Variants in FAM149A observed in about 807,000 individuals in gnomAD.
The protein encoded by FAM149A is protein FAM149A.
In FAM149A, 71 loss-of-function variants were observed where a neutral mutation model predicts 78.2. The ratio of observed to expected loss-of-function variants is 0.91; its 90% CI spans 0.75 to 1.11. The LOEUF (loss-of-function observed/expected upper bound fraction) is 1.11. Among genes scored for constraint, FAM149A ranks in the 50% least tolerant of loss-of-function variants. FAM149A has a pLI of 0.00. For missense variants in FAM149A, 1,036 were observed against 971.0 expected (o/e 1.07, Z -0.89); for synonymous variants, 446 against 410.5 (o/e 1.09, Z -1.04).
chr4:186,161,502 C>G (rs1323743736), intron 8 of FAM149A, among the ~76,000 whole-genome samples: 1 of 152,020 alleles, frequency 6.6e-6, no homozygotes, highest in African/African-American at 2.4e-5. Context: ...TTTTTGGTCT[C>G]TTTAAACTGC....
chr4:186,154,669 A>G (rs765078031), intron 6 of FAM149A, 31 bp downstream of exon 6: 1 of 1,576,080 alleles, frequency 6.3e-7, no homozygotes, highest in Admixed American at 1.8e-5. Context: ...CATTGACCTC[A>G]TAAAATAATA....
chr4:186,112,171 G>A (rs2099311570), intron 1 of FAM149A, among the ~76,000 whole-genome samples: 1 of 147,466 alleles, frequency 6.8e-6, no homozygotes, highest in Non-Finnish European at 1.5e-5. Context: ...GTGAATGGGA[G>A]TTCACTCATG....
chr4:186,156,599 A>C (rs985460919), intron 7 of FAM149A, among the ~76,000 whole-genome samples: 3 of 152,008 alleles, frequency 2.0e-5, no homozygotes, highest in Non-Finnish European at 4.4e-5. Flanking sequence ...GCTTGAACCC[A>C]GGAGGTGGAG....
intron 1 of FAM149A, chr4:186,116,435 C>T (rs2099313748): frequency 2.0e-6 from 2 of 982,790 alleles, no homozygotes; most frequent in Non-Finnish European, 1.2e-6. Context: ...CCGTTACTTT[C>T]TATTACAGTC....
rs1254589929 is a variant in FAM149A at position 186,164,166 on chromosome 4, C to G, written c.1889+533C>G. On this transcript the variant is annotated intron_variant, in intron 10 of 13. Coordinates refer to ENST00000389354, the MANE Select transcript of FAM149A (RefSeq NM_001367768.3). The surrounding 1 kb of genome is among the most constrained non-coding windows in gnomAD (Gnocchi z 4.0). ...ACTTACCAGTATCGGCCAATACTTA[C>G]ATTGATAATAATAGCTAATGTTTAT... is the stretch of plus-strand genomic sequence containing the variant. Among the ~76,000 whole-genome samples the G allele has an allele frequency of 6.6e-6, 1 of 152,222 alleles. No homozygotes were observed.
chr4:186,156,329 G>A (rs1038413407), intron 7 of FAM149A, 139 bp downstream of exon 7: 2 of 641,268 alleles, frequency 3.1e-6, no homozygotes, highest in South Asian at 2.0e-5. Flanking sequence ...ACTCATGAGT[G>A]CTCTTTAGTC....
intron 1 of FAM149A, among the ~76,000 whole-genome samples, chr4:186,128,527 C>T (rs180929158): frequency 1.4e-3 from 208 of 151,610 alleles, no homozygotes; most frequent in African/African-American, 4.2e-3. Flanking sequence ...CCTTAGCTCA[C>T]GATGCTTTCT....
intron 8 of FAM149A, chr4:186,160,772 A>T: frequency 1.1e-6 from 1 of 924,670 alleles, no homozygotes; most frequent in South Asian, 5.1e-5. Flanking sequence ...ACACCACATC[A>T]CACCACACCA....
At chr4:186,150,569 A>T (rs13127413) in intron 3 of FAM149A, among the ~76,000 whole-genome samples, 2 of 102,070 alleles carry the variant, frequency 2.0e-5, no homozygotes, top group Non-Finnish European at 3.9e-5. Flanking sequence ...ACAGGCGCCC[A>T]CCACCACGCC....
intron 1 of FAM149A, among the ~76,000 whole-genome samples, chr4:186,117,099 G>T (rs897401535): frequency 1.9e-3 from 23 of 12,366 alleles, no homozygotes; most frequent in Non-Finnish European, 3.7e-3. Context: ...AAGAGACATT[G>T]TAAGGATTAA....
rs1732895012 is a variant in FAM149A, at chr4:186,144,943, G to A, written c.567-4230G>A. On this transcript the variant is annotated intron_variant, in intron 1 of 13. Transcript: ENST00000389354. This position sits in a 1 kb window ranked among gnomAD's most constrained non-coding sequence, Gnocchi z 4.2. ...CCGCGCGGCGGGCGCGGGCGCGGGC[G>A]CGGGCGCGGGCGCGGGCGGGTGGGG... 3.8e-5 allele frequency: 32 copies of A among 846,388 alleles called. No homozygotes were observed. The highest frequency in any genetic ancestry group is 5.9e-5 in the South Asian group (1 of 17,042). 52.4% of individuals were successfully genotyped at this position (846,388 alleles called of 1,614,324 possible).
intron 4 of FAM149A, 89 bp downstream of exon 4, chr4:186,152,134 G>A: frequency 1.6e-6 from 2 of 1,285,116 alleles, no homozygotes; most frequent in Non-Finnish European, 2.2e-6. Flanking sequence ...CATTTGGTGT[G>A]AAAGTGCCTG....
chr4:186,108,515 G>C (rs1000675579), intron 1 of FAM149A, among the ~76,000 whole-genome samples: 1 of 152,006 alleles, frequency 6.6e-6, no homozygotes, highest in Non-Finnish European at 1.5e-5. Context: ...CAAAGATGCT[G>C]AATAGCAGCA....
rs1561422732 is a variant in FAM149A at position 186,172,163 on chromosome 4, G to A, written c.*176G>A. On this transcript the variant is annotated 3_prime_UTR_variant, in exon 14 of 14. Transcript: ENST00000389354. ...TTGAACACTTTGCACTGTAAAGAGA[G>A]TGAAAGTCAAACCCACCAAGCTGCC... 2 of 1,024,938 alleles carry A rather than the reference G, an allele frequency of 2.0e-6. No individual in the cohort carries two copies. Among genetic ancestry groups the A allele is most frequent in the East Asian group, 3.1e-5 (1 of 32,088 alleles). The allele number at this position is 1,024,938 out of a possible 1,614,324, so 63.5% of individuals were successfully genotyped here.
intron 4 of FAM149A, among the ~76,000 whole-genome samples, 175 bp downstream of exon 4, chr4:186,152,220 C>G (rs988265914): frequency 2.0e-5 from 3 of 152,210 alleles, no homozygotes; most frequent in Non-Finnish European, 4.4e-5. Flanking sequence ...TGAGGAAATA[C>G]TGAGACATTC....
At position 186,105,402 on chromosome 4, in the gene FAM149A, A is replaced by T; in HGVS notation, c.326A>T (p.Gln109Leu). 1 of 1,182,292 alleles carries T rather than the reference A, an allele frequency of 8.5e-7. No individual in the cohort carries two copies. The highest frequency in any genetic ancestry group is 1.1e-6 in the Non-Finnish European group (1 of 943,892). The allele number at this position is 1,182,292 out of a possible 1,614,324, so 73.2% of individuals were successfully genotyped here. The stretch of plus-strand genomic sequence containing the variant: ...CCTAGAGCGGGTAAAGCCCCGCCCC[A>T]GCCCCCCACTCCCTCCGGCGGGGGC... Residue 109 changes from glutamine to leucine, a missense_variant, in exon 1 of 14, where the codon CAG (glutamine) becomes CTG (leucine). Around this residue, in one of 3 missense-constraint regions of FAM149A, gnomAD observed 316 missense variants for 241.9 expected, o/e 1.31. Coordinates refer to ENST00000389354, the MANE Select transcript of FAM149A (RefSeq NM_001367768.3).
chr4:186,161,515 T>C (rs1734604708), intron 8 of FAM149A, among the ~76,000 whole-genome samples: 1 of 152,194 alleles, frequency 6.6e-6, no homozygotes, highest in Admixed American at 6.5e-5. Flanking sequence ...TAAACTGCTC[T>C]GACAAGTTCA....
intron 8 of FAM149A, among the ~76,000 whole-genome samples, chr4:186,161,112 GA>G (rs1713123458): frequency 6.6e-6 from 1 of 152,032 alleles, no homozygotes; most frequent in African/African-American, 2.4e-5. Flanking sequence ...TTTTTAATTA[GA>G]TGTAATGTTT....
intron 3 of FAM149A, among the ~76,000 whole-genome samples, chr4:186,151,337 G>A (rs1037761993): frequency 4.6e-4 from 70 of 152,224 alleles, no homozygotes; most frequent in African/African-American, 1.6e-3. Flanking sequence ...AGGGAAATTC[G>A]TATAACTTCC....
Sources: gnomAD v4.1 joint callset for allele counts (sites outside exome capture counted in the v4.1 genomes callset) on GRCh38, gnomAD v4.1.1 for gene constraint, gnomAD v4.1.1 regional missense constraint, Gnocchi (gnomAD v3.1) non-coding constraint, MANE v1.5 for transcripts, NCBI Gene and HGNC (gene_info 2026-07-23, HGNC 2026-07-21) for gene names.